Variants in COL6A5 observed in about 807,000 individuals in gnomAD.
COL6A5 encodes the protein collagen alpha-5(VI) chain.
COL6A5 carries 48 observed loss-of-function variants against 65.6 expected under a neutral mutation model. The ratio of observed to expected loss-of-function variants is 0.73; its 90% CI spans 0.58 to 0.93. The LOEUF is 0.93. Ranked by LOEUF, COL6A5 falls within the 40% of genes least tolerant of loss-of-function variation. The probability of loss-of-function intolerance (pLI) is 0.00; values close to 1 mark genes in which losing one functional copy is unlikely to be tolerated. For missense variants in COL6A5, 914 were observed against 928.3 expected (o/e 0.98, Z 0.20); for synonymous variants, 291 against 322.8 (o/e 0.90, Z 1.05).
chr3:130,354,843 C>T (rs1393269886), intron 1 of COL6A5, among the ~76,000 whole-genome samples: 1 of 152,128 alleles, frequency 6.6e-6, no homozygotes, highest in Non-Finnish European at 1.5e-5. Context: ...AGTATGGTAG[C>T]CACTCACTGT....
In COL6A5 at chr3:130,404,897, C is replaced by G. The variant is rs371222503; in HGVS notation, c.4282-691C>G. On this transcript the variant is annotated intron_variant and NMD_transcript_variant, in intron 13 of 41. Coordinates refer to the COL6A5 transcript ENST00000312481. The stretch of plus-strand genomic sequence containing the variant: ...AGACATGAGCCAGTCACAAGGGACA[C>G]GATGGTGAAAGACACAGTTGGGGTT... Among the ~76,000 whole-genome samples, 8 of 152,326 alleles carry G rather than the reference C, an allele frequency of 5.3e-5. No individual in the cohort carries two copies. The East Asian group carries it at 1.5e-3, about 29-fold the overall frequency.
chr3:130,397,403 A>G (rs1936639901), intron 8 of COL6A5, among the ~76,000 whole-genome samples, 180 bp from the exon 9 acceptor site: 1 of 151,998 alleles, frequency 6.6e-6, no homozygotes, highest in Non-Finnish European at 1.5e-5. Context: ...GTATATGTAT[A>G]TATATGATAT....
intron 3 of COL6A5, 75 bp from the exon 4 acceptor site, chr3:130,379,343 G>A: frequency 7.6e-7 from 1 of 1,314,842 alleles, no homozygotes; most frequent in Non-Finnish European, 1.0e-6. Context: ...TAATGTGCTT[G>A]ATAATGTAAA....
chr3:130,469,521 T>G (rs760488829), intron 6 of COL6A5, 40 bp downstream of exon 38: 1 of 1,497,774 alleles, frequency 6.7e-7, no homozygotes, highest in Admixed American at 1.8e-5. Context: ...TGCAATAGAT[T>G]TAATGTTTCT....
chr3:130,450,265 G>A (rs1709401813), intron 4 of COL6A5, among the ~76,000 whole-genome samples: 1 of 152,150 alleles, frequency 6.6e-6, no homozygotes, highest in South Asian at 2.1e-4. Context: ...GTGGCAGGGG[G>A]TTTCCATCTA....
intron 10 of COL6A5, among the ~76,000 whole-genome samples, 171 bp from the exon 11 acceptor site, chr3:130,400,860 G>A (rs1465035975): frequency 6.6e-6 from 1 of 152,160 alleles, no homozygotes; most frequent in Non-Finnish European, 1.5e-5. Flanking sequence ...GAAAATGCAG[G>A]CAAATTCTCT....
chr3:130,419,938 T>C (rs1456567198), intron 25 of COL6A5, among the ~76,000 whole-genome samples: 2 of 152,014 alleles, frequency 1.3e-5, no homozygotes, highest in African/African-American at 4.8e-5. Context: ...GCCAGAGGCT[T>C]ACAGGGGAAA....
chr3:130,409,295 C>G (rs748587086), intron 17 of COL6A5, 31 bp from the exon 18 acceptor site: 1 of 1,522,432 alleles, frequency 6.6e-7, no homozygotes, highest in Non-Finnish European at 8.8e-7. Context: ...CTCCTACAAG[C>G]TAACTCAGAA....
intron 1 of COL6A5, among the ~76,000 whole-genome samples, chr3:130,436,828 T>C (rs746399637): frequency 4.6e-5 from 7 of 152,280 alleles, no homozygotes; most frequent in Non-Finnish European, 8.8e-5. Context: ...GCCCATTCTT[T>C]AGCCCTCTTC....
rs148291982 is a variant in COL6A5 at position 130,388,767 on chromosome 3, T to C, written c.2049T>C (p.Asn683=). Residue 683 remains asparagine (N), a synonymous_variant and NMD_transcript_variant, in exon 6 of 42, where the codon AAT becomes AAC. Transcript: ENST00000312481. ...AAACTAAGGAAGAGTTCCAGCTTAA[T>C]AGATATTTTACACAGCAAGAAATTT... The C allele has an allele frequency of 2.1e-5, 32 of 1,551,344 alleles. No individual in the cohort carries two copies. The African/African-American group carries it at 4.0e-4, about 19-fold the overall frequency.
At chr3:130,440,967 T>C in intron 3 of COL6A5, 142 bp downstream of exon 35, 1 of 722,688 alleles carries the variant, frequency 1.4e-6, no homozygotes, top group Non-Finnish European at 2.2e-6. Flanking sequence ...GAATGGATCA[T>C]TTGCTGGTTA....
At position 130,355,525 on chromosome 3, in the gene COL6A5, C is replaced by G. The variant is rs139088236; in HGVS notation, c.-29+9544C>G. On this transcript the variant is annotated intron_variant and NMD_transcript_variant, in intron 1 of 41. Transcript: ENST00000312481. ...TTACAAATTATTTTACCAGTTTACC[C>G]TAAGTGAAAATTAGAGAGAGATATA... is the stretch of plus-strand genomic sequence containing the variant. Among the ~76,000 whole-genome samples the G allele has an allele frequency of 4.0e-3, 613 of 151,832 alleles. 2 individuals carry two copies. Among genetic ancestry groups the G allele is most frequent in the African/African-American group, 0.013 (549 of 41,446 alleles).
At chr3:130,376,809 G>A in exon 3 of COL6A5, 1 of 1,613,100 alleles carries the variant, frequency 6.2e-7, no homozygotes, top group Non-Finnish European at 8.5e-7. Context: ...CAAGTATAAG[G>A]AGGGAGCCGT....
chr3:130,360,573 A>T (rs568371152), intron 1 of COL6A5, among the ~76,000 whole-genome samples: 1 of 152,256 alleles, frequency 6.6e-6, no homozygotes, highest in Non-Finnish European at 1.5e-5. Flanking sequence ...TTGTGGTGAA[A>T]GCAGTCCATG....
intron 1 of COL6A5, among the ~76,000 whole-genome samples, chr3:130,435,232 C>T (rs774027021): frequency 2.0e-4 from 30 of 152,056 alleles, no homozygotes; most frequent in Non-Finnish European, 3.8e-4. Flanking sequence ...TTAGGTTTGT[C>T]GAAGATCAGA....
At chr3:130,405,099 T>G (rs1417504749) in intron 13 of COL6A5, among the ~76,000 whole-genome samples, 1 of 152,228 alleles carries the variant, frequency 6.6e-6, no homozygotes, top group Non-Finnish European at 1.5e-5. Context: ...AACCTGGTGA[T>G]TCCTCCTGTG....
At chr3:130,393,795 G>A (rs1422319394) in intron 7 of COL6A5, among the ~76,000 whole-genome samples, 4 of 152,212 alleles carry the variant, frequency 2.6e-5, no homozygotes, top group Non-Finnish European at 5.9e-5. Context: ...GCTGGACTAA[G>A]GGAGAACTCC....
At chr3:130,358,987 A>G (rs1054663211) in intron 1 of COL6A5, among the ~76,000 whole-genome samples, 1 of 152,222 alleles carries the variant, frequency 6.6e-6, no homozygotes, top group African/African-American at 2.4e-5. Context: ...AGCTGTTAAG[A>G]TGAATGAAGT....
At chr3:130,440,592 T>G in exon 3 of COL6A5, 1 of 1,613,520 alleles carries the variant, frequency 6.2e-7, no homozygotes, top group Non-Finnish European at 8.5e-7. Context: ...ATCTTTGTGG[T>G]CTCAGCTGGA....
Sources: allele counts gnomAD v4.1 joint callset (sites outside exome capture counted in the v4.1 genomes callset), GRCh38; gene constraint gnomAD v4.1.1; transcripts MANE v1.5; gene names NCBI Gene and HGNC (gene_info 2026-07-23, HGNC 2026-07-21).